Variants in TMEM74 observed in about 807,000 individuals in gnomAD.
TMEM74 encodes transmembrane protein 74.
In TMEM74, 13 loss-of-function variants were observed where a neutral mutation model predicts 18.1. The ratio of observed to expected loss-of-function variants is 0.72; its 90% CI spans 0.47 to 1.14. The LOEUF is 1.14. Among genes scored for constraint, TMEM74 ranks in the 50% most tolerant of loss-of-function variants. The probability of loss-of-function intolerance (pLI) is 0.00; values close to 1 mark genes in which losing one functional copy is unlikely to be tolerated. For missense variants in TMEM74, 372 were observed against 375.9 expected (o/e 0.99, Z 0.09); for synonymous variants, 159 against 146.6 (o/e 1.08, Z -0.61).
intron 1 of TMEM74, among the ~76,000 whole-genome samples, chr8:108,772,046 A>T (rs1248215052): frequency 4.6e-5 from 7 of 152,132 alleles, no homozygotes; most frequent in Non-Finnish European, 1.0e-4. Flanking sequence ...TTTAATATGA[A>T]TTTTTGATTC....
chr8:108,691,302 G>A (rs1296864558), intron 1 of TMEM74, among the ~76,000 whole-genome samples: 1 of 152,168 alleles, frequency 6.6e-6, no homozygotes, highest in Non-Finnish European at 1.5e-5. Flanking sequence ...GCAGTCAGAC[G>A]AGCAGCACCT....
chr8:108,676,805 A>G (rs891166006), intron 1 of TMEM74, among the ~76,000 whole-genome samples: 6 of 152,168 alleles, frequency 3.9e-5, no homozygotes, highest in African/African-American at 1.4e-4. Context: ...TCCAGTGAAT[A>G]TTTATGGAAT....
At chr8:108,685,633 T>C (rs1198941201) in intron 1 of TMEM74, among the ~76,000 whole-genome samples, 1 of 152,134 alleles carries the variant, frequency 6.6e-6, no homozygotes, top group Non-Finnish European at 1.5e-5. Context: ...AATTCTATCA[T>C]GACAACTGGA....
chr8:108,742,965 A>C (rs181269469), intron 1 of TMEM74, among the ~76,000 whole-genome samples: 36 of 152,348 alleles, frequency 2.4e-4, no homozygotes, highest in African/African-American at 8.2e-4. Context: ...GTTGTAACTG[A>C]AAACAACTTG....
chr8:108,688,151 C>T (rs921511036), intron 1 of TMEM74, among the ~76,000 whole-genome samples: 1 of 152,112 alleles, frequency 6.6e-6, no homozygotes, highest in African/African-American at 2.4e-5. Flanking sequence ...CGATAATGGC[C>T]AATGCTGACT....
intron 1 of TMEM74, among the ~76,000 whole-genome samples, chr8:108,704,440 T>C (rs995271249): frequency 1.3e-5 from 2 of 152,236 alleles, no homozygotes; most frequent in African/African-American, 4.8e-5. Flanking sequence ...CATGCACTTG[T>C]GTGTCTTCTA....
intron 2 of TMEM74, among the ~76,000 whole-genome samples, chr8:108,617,200 G>C (rs1812393012): frequency 6.6e-6 from 1 of 151,882 alleles, no homozygotes; most frequent in Non-Finnish European, 1.5e-5. Flanking sequence ...CAGATGCAAA[G>C]GCCCTGAAGT....
At chr8:108,655,096 A>G (rs899516624) in intron 2 of TMEM74, among the ~76,000 whole-genome samples, 1 of 152,030 alleles carries the variant, frequency 6.6e-6, no homozygotes, top group Admixed American at 6.6e-5. Flanking sequence ...CTTTTTCCTT[A>G]TATTCATAAG....
chr8:108,718,070 C>T (rs13253045), intron 1 of TMEM74, among the ~76,000 whole-genome samples: 2,003 of 104,962 alleles, frequency 0.019, 244 homozygotes, highest in Non-Finnish European at 0.027. Context: ...GCCATTCTCC[C>T]GCCTCAGCCT....
intron 1 of TMEM74, among the ~76,000 whole-genome samples, chr8:108,715,674 G>A (rs570115147): frequency 1.3e-5 from 2 of 151,928 alleles, no homozygotes; most frequent in East Asian, 3.9e-4. Context: ...CTATATCACT[G>A]GAAATAAGTG....
rs188154238 is a variant in TMEM74, at chr8:108,650,814, G to A, written n.264+4479C>T. On this transcript the variant is annotated intron_variant and non_coding_transcript_variant, in intron 2 of 3. Transcript: ENST00000518838. ...CAACCTCTGACTCCCAGGTTCAAGA[G>A]ATTCTCCTGCCTCAGCCTCCTGAGT... 6.4e-3 allele frequency among the ~76,000 whole-genome samples: 980 copies of A among 152,124 alleles called. 14 individuals carry two copies. The highest frequency in any genetic ancestry group is 0.021 in the African/African-American group (883 of 41,486).
At chr8:108,665,286 G>A (rs1812938339) in intron 1 of TMEM74, among the ~76,000 whole-genome samples, 2 of 152,130 alleles carry the variant, frequency 1.3e-5, no homozygotes, top group African/African-American at 2.4e-5. Flanking sequence ...AGTCTGGGAT[G>A]GGTGAAGAAG....
intron 1 of TMEM74, among the ~76,000 whole-genome samples, chr8:108,757,495 T>A (rs1355638872): frequency 1.3e-5 from 2 of 152,050 alleles, no homozygotes; most frequent in South Asian, 2.1e-4. Flanking sequence ...TTCTTTGCTG[T>A]TTTTTAGAGA....
rs768593714 is a variant in TMEM74, at chr8:108,620,136, CCATGTTAATG to C, written n.265-11320_265-11311del. On this transcript the variant is annotated intron_variant and non_coding_transcript_variant, in intron 2 of 3. Coordinates refer to the TMEM74 transcript ENST00000518838. ...TTAAATTGACTTTCCATATATCTGGCCATGTTAATGCATGTATGTTATACAATAGTTTCAA... is the reference window on the plus strand; with the variant it reads ...TTAAATTGACTTTCCATATATCTGGCCATGTATGTTATACAATAGTTTCAA... Among the ~76,000 whole-genome samples the C allele has an allele frequency of 4.6e-5, 7 of 152,186 alleles. No individual in the cohort carries two copies. In the South Asian group the frequency reaches 1.5e-3, roughly 32 times the overall value.
intron 2 of TMEM74, among the ~76,000 whole-genome samples, chr8:108,620,177 G>T (rs947827671): frequency 1.1e-4 from 17 of 152,050 alleles, no homozygotes; most frequent in African/African-American, 3.9e-4. Flanking sequence ...TTCAAAATCT[G>T]ATGTTTATTT....
chr8:108,685,343 A>C (rs1351746615), intron 1 of TMEM74, among the ~76,000 whole-genome samples: 1 of 152,102 alleles, frequency 6.6e-6, no homozygotes, highest in Non-Finnish European at 1.5e-5. Context: ...GTTTTGGTAG[A>C]ATATTTAAGT....
intron 1 of TMEM74, among the ~76,000 whole-genome samples, chr8:108,756,572 GAA>G: frequency 9.0e-6 from 1 of 111,222 alleles, no homozygotes; most frequent in Non-Finnish European, 1.8e-5. Flanking sequence ...AAGAAAGAAA[GAA>G]AGAAAGAAAG....
intron 1 of TMEM74, among the ~76,000 whole-genome samples, chr8:108,703,542 C>G (rs955187474): frequency 6.6e-6 from 1 of 152,098 alleles, no homozygotes; most frequent in African/African-American, 2.4e-5. Context: ...AAGAGAGCTA[C>G]AGATGTACAG....
At chr8:108,732,235 T>C (rs1422822881) in intron 1 of TMEM74, among the ~76,000 whole-genome samples, 1 of 152,138 alleles carries the variant, frequency 6.6e-6, no homozygotes, top group African/African-American at 2.4e-5. Context: ...CAGTGCTGAG[T>C]GAAATTTTAA....
Sources: gnomAD v4.1 joint callset for allele counts (sites outside exome capture counted in the v4.1 genomes callset) on GRCh38, gnomAD v4.1.1 for gene constraint, MANE v1.5 for transcripts, NCBI Gene and HGNC (gene_info 2026-07-23, HGNC 2026-07-21) for gene names.